The following GALNT13 variants were observed in gnomAD, a reference collection of about 807,000 sequenced individuals.
The protein encoded by GALNT13 is polypeptide N-acetylgalactosaminyltransferase 13.
GALNT13 carries 28 observed loss-of-function variants against 64.2 expected under a neutral mutation model. The observed-to-expected ratio is 0.44, with a 90% CI of 0.32 to 0.60. GALNT13 has a LOEUF of 0.60. Ranked by LOEUF, GALNT13 falls within the 20% of genes least tolerant of loss-of-function variation. GALNT13 has a pLI of 0.05. For missense variants in GALNT13, 577 were observed against 669.8 expected (o/e 0.86, Z 1.53); for synonymous variants, 214 against 224.6 (o/e 0.95, Z 0.42).
At chr2:153,154,311 G>GT in the GALNT13 span, among the ~76,000 whole-genome samples, 5 of 152,124 alleles carry the variant, frequency 3.3e-5, no homozygotes, top group Non-Finnish European at 7.4e-5. Flanking sequence ...CTGCCACCAC[G>GT]TAAGACGTGC....
At chr2:153,518,182 A>G in the GALNT13 span, among the ~76,000 whole-genome samples, 1 of 152,096 alleles carries the variant, frequency 6.6e-6, no homozygotes, top group Non-Finnish European at 1.5e-5. Flanking sequence ...TGTTCTTCCA[A>G]TGACTTCAGA....
At chr2:153,572,252 A>G in the GALNT13 span, among the ~76,000 whole-genome samples, 1 of 151,572 alleles carries the variant, frequency 6.6e-6, no homozygotes, top group Non-Finnish European at 1.5e-5. Context: ...AGTAACCGCT[A>G]ATGATCCTTT....
At position 154,092,545 on chromosome 2, in the gene GALNT13, A is replaced by T. The variant is rs558832674; in HGVS notation, c.143-47792A>T. On this transcript the variant is annotated intron_variant, in intron 3 of 12. Transcript: ENST00000392825. ...ATATCTTCCCCAATTAACTTAATTA[A>T]CTGGAAACTGTCACTGTTGGCACTG... is the stretch of plus-strand genomic sequence containing the variant. Among the ~76,000 whole-genome samples, 8 of 152,204 alleles carry T rather than the reference A, an allele frequency of 5.3e-5. No homozygotes were observed. In the South Asian group the frequency reaches 1.0e-3, roughly 20 times the overall value.
chr2:154,094,980 G>T (rs1285006138), intron 3 of GALNT13, among the ~76,000 whole-genome samples: 1 of 151,730 alleles, frequency 6.6e-6, no homozygotes, highest in African/African-American at 2.4e-5. Context: ...CTATATTTTT[G>T]TATTGAATCC....
the GALNT13 span, among the ~76,000 whole-genome samples, chr2:153,770,550 G>A: frequency 1.3e-5 from 2 of 152,216 alleles, no homozygotes; most frequent in South Asian, 4.1e-4. Context: ...TTCTCCTCGA[G>A]GCCAGTGGGT....
At chr2:153,672,451 T>C in the GALNT13 span, among the ~76,000 whole-genome samples, 2 of 152,188 alleles carry the variant, frequency 1.3e-5, no homozygotes, top group African/African-American at 2.4e-5. Context: ...CCTGAATGAC[T>C]ACTGGGTAAA....
the GALNT13 span, among the ~76,000 whole-genome samples, chr2:153,114,482 C>T: frequency 1.3e-5 from 2 of 152,070 alleles, no homozygotes; most frequent in African/African-American, 4.8e-5. Context: ...TTTAAGTTAT[C>T]CTGCTCATCC....
chr2:153,328,929 T>C, the GALNT13 span, among the ~76,000 whole-genome samples: 6 of 152,174 alleles, frequency 3.9e-5, no homozygotes, highest in East Asian at 1.2e-3. Context: ...ACCAGGGCTC[T>C]GTTGGTATAG....
At chr2:153,381,668 A>G in the GALNT13 span, among the ~76,000 whole-genome samples, 8 of 152,138 alleles carry the variant, frequency 5.3e-5, no homozygotes, top group Non-Finnish European at 1.2e-4. Context: ...CAGAGAAAAT[A>G]TGTGTCCAAA....
chr2:154,329,830 C>T (rs1251445566), intron 9 of GALNT13, among the ~76,000 whole-genome samples: 2 of 152,122 alleles, frequency 1.3e-5, no homozygotes, highest in East Asian at 3.9e-4. Flanking sequence ...TTCCTTCTTT[C>T]TCTCTCTCCT....
At chr2:153,845,884 G>C in the GALNT13 span, among the ~76,000 whole-genome samples, 1 of 151,864 alleles carries the variant, frequency 6.6e-6, no homozygotes, top group African/African-American at 2.4e-5. Flanking sequence ...TTCAAAAAAA[G>C]AATAAACAAT....
At chr2:154,270,063 CCTT>C (rs1459907494) in intron 8 of GALNT13, among the ~76,000 whole-genome samples, 3 of 150,334 alleles carry the variant, frequency 2.0e-5, no homozygotes, top group African/African-American at 7.4e-5. Flanking sequence ...TTTGTATGCT[CCTT>C]TAGAAAAAAA....
At chr2:154,041,777 G>A (rs1352564545) in intron 3 of GALNT13, among the ~76,000 whole-genome samples, 2 of 140,210 alleles carry the variant, frequency 1.4e-5, no homozygotes, top group African/African-American at 4.9e-5. Flanking sequence ...CCATGATGTT[G>A]AAGACAATGT....
intron 8 of GALNT13, among the ~76,000 whole-genome samples, chr2:154,292,981 G>A (rs1692728436): frequency 1.3e-5 from 2 of 152,054 alleles, no homozygotes; most frequent in East Asian, 1.9e-4. Context: ...AATGAGCAAT[G>A]GGCATTTTAC....
intron 8 of GALNT13, among the ~76,000 whole-genome samples, chr2:154,295,347 AT>A (rs1347229660): frequency 3.6e-5 from 2 of 55,132 alleles, no homozygotes; most frequent in Admixed American, 2.0e-4. Flanking sequence ...AATTCTTTTT[AT>A]TTTATTTATT....
chr2:153,272,065 T>A, the GALNT13 span, among the ~76,000 whole-genome samples: 1 of 152,200 alleles, frequency 6.6e-6, no homozygotes, highest in Non-Finnish European at 1.5e-5. Context: ...GCTAGCCATA[T>A]GCAGAAAATT....
intron 3 of GALNT13, among the ~76,000 whole-genome samples, chr2:154,025,111 G>A (rs934525661): frequency 6.6e-6 from 1 of 152,152 alleles, no homozygotes; most frequent in Non-Finnish European, 1.5e-5. Flanking sequence ...CTACTGGGGG[G>A]TGCCTCCCAG....
chr2:153,782,632 G>A, the GALNT13 span, among the ~76,000 whole-genome samples: 1 of 152,130 alleles, frequency 6.6e-6, no homozygotes, highest in Non-Finnish European at 1.5e-5. Context: ...TTAATAAGAA[G>A]AGAAAATTTG....
the GALNT13 span, among the ~76,000 whole-genome samples, chr2:153,137,764 G>T: frequency 6.6e-6 from 1 of 150,844 alleles, no homozygotes; most frequent in South Asian, 2.1e-4. Flanking sequence ...TAACCTACTT[G>T]TCTTTTTCTA....
Sources: allele counts gnomAD v4.1 joint callset (sites outside exome capture counted in the v4.1 genomes callset), GRCh38; gene constraint gnomAD v4.1.1; transcripts MANE v1.5; gene names NCBI Gene and HGNC (gene_info 2026-07-23, HGNC 2026-07-21).